The following SNX30 variants were observed in gnomAD, a reference collection of about 807,000 sequenced individuals.
SNX30 encodes the protein sorting nexin family member 30.
In SNX30, 24 loss-of-function variants were observed where a neutral mutation model predicts 46.4. That is an observed-to-expected ratio of 0.52 (90% CI 0.37 to 0.73). The LOEUF is 0.73. Among genes scored for constraint, SNX30 ranks in the 30% least tolerant of loss-of-function variants. The pLI is 0.00. For synonymous variants in SNX30, 189 were observed against 211.5 expected (o/e 0.89, Z 0.92); for missense variants, 533 against 555.7 (o/e 0.96, Z 0.41).
chr9:112,796,341 A>G (rs891280399), intron 1 of SNX30, among the ~76,000 whole-genome samples: 6 of 152,206 alleles, frequency 3.9e-5, no homozygotes, highest in African/African-American at 1.2e-4. Flanking sequence ...TTAAATGTTT[A>G]CTGAAATAAC....
chr9:112,851,042 AGT>A (rs1369067228), intron 7 of SNX30, 97 bp downstream of exon 7: 1 of 869,298 alleles, frequency 1.2e-6, no homozygotes, highest in East Asian at 2.5e-5. Context: ...AAGAGTGGTC[AGT>A]GCCGGCTGGG....
chr9:112,758,044 C>A (rs970832823), intron 1 of SNX30, among the ~76,000 whole-genome samples: 1 of 152,178 alleles, frequency 6.6e-6, no homozygotes, highest in Non-Finnish European at 1.5e-5. Context: ...CTACTCCACC[C>A]TTCCTTCTGC....
At chr9:112,767,966 T>A (rs1721408767) in intron 1 of SNX30, among the ~76,000 whole-genome samples, 1 of 152,244 alleles carries the variant, frequency 6.6e-6, no homozygotes, top group South Asian at 2.1e-4. Flanking sequence ...TATGATTATC[T>A]AAATGGTTTT....
chr9:112,838,355 T>G (rs764855603), intron 5 of SNX30, 143 bp from the exon 6 acceptor site: 14 of 640,124 alleles, frequency 2.2e-5, no homozygotes, highest in African/African-American at 7.3e-5. Context: ...GTGTTGTGTT[T>G]AAAGAAGAGT....
At chr9:112,860,459 C>T (rs1463369174) in intron 7 of SNX30, among the ~76,000 whole-genome samples, 1 of 152,174 alleles carries the variant, frequency 6.6e-6, no homozygotes, top group Non-Finnish European at 1.5e-5. Flanking sequence ...CCTTTGGTGG[C>T]ATTAGTGCCA....
At chr9:112,778,749 T>C (rs1029339441) in intron 1 of SNX30, among the ~76,000 whole-genome samples, 11 of 152,198 alleles carry the variant, frequency 7.2e-5, no homozygotes, top group Admixed American at 3.9e-4. Context: ...GATACCATGC[T>C]GGAGATAGAA....
At chr9:112,827,416 A>T (rs1840593799) in intron 3 of SNX30, among the ~76,000 whole-genome samples, 1 of 152,260 alleles carries the variant, frequency 6.6e-6, no homozygotes, top group Non-Finnish European at 1.5e-5. Flanking sequence ...AGATAAACCC[A>T]GGAAGCATGG....
At chr9:112,803,894 G>T (rs1318014657) in intron 1 of SNX30, among the ~76,000 whole-genome samples, 1 of 108,254 alleles carries the variant, frequency 9.2e-6, no homozygotes, top group South Asian at 3.5e-4. Flanking sequence ...GGAGTGACCC[G>T]ATTTTCCAGG....
intron 7 of SNX30, among the ~76,000 whole-genome samples, chr9:112,851,652 AAG>A (rs1841029879): frequency 6.6e-6 from 1 of 152,224 alleles, no homozygotes; most frequent in South Asian, 2.1e-4. Flanking sequence ...GTAATGGAGA[AAG>A]AGTAATTCGT....
chr9:112,783,802 G>A (rs762093007), intron 1 of SNX30, among the ~76,000 whole-genome samples: 36 of 152,294 alleles, frequency 2.4e-4, no homozygotes, highest in Non-Finnish European at 4.3e-4. Context: ...TGGTTTGTGA[G>A]AGTGGAAAAA....
downstream of SNX30, among the ~76,000 whole-genome samples, chr9:112,882,902 A>G (rs1057482088): frequency 1.3e-5 from 2 of 152,308 alleles, no homozygotes; most frequent in East Asian, 1.9e-4. Context: ...ACCCCAAACA[A>G]TTCCTACATG....
At position 112,868,836 on chromosome 9, in the gene SNX30, C is replaced by G; in HGVS notation, c.1307C>G (p.Ala436Gly). The part of the protein sequence containing the change: ...IIPLLQEKQE[A>G]K ...CCACTACTGCAGGAGAAACAAGAGG[C>G]CAAGTAAAGTTCTTTCTTGGGACGG... Residue 436 changes from alanine (A) to glycine (G), a missense_variant, in exon 9 of 9, where the codon GCC (alanine) becomes GGC (glycine). Around this residue, in one of 3 missense-constraint regions of SNX30, gnomAD observed 261 missense variants for 270.9 expected, o/e 0.96. Coordinates refer to ENST00000374232, the MANE Select transcript of SNX30 (RefSeq NM_001012994.2). The G allele has an allele frequency of 6.2e-7, 1 of 1,614,124 alleles. No homozygotes were observed. Among genetic ancestry groups the G allele is most frequent in the East Asian group, 2.2e-5 (1 of 44,878 alleles).
intron 7 of SNX30, among the ~76,000 whole-genome samples, chr9:112,859,913 G>A (rs750461192): frequency 6.6e-6 from 1 of 151,718 alleles, no homozygotes; most frequent in African/African-American, 2.4e-5. Context: ...ATGATGTTGA[G>A]CATCTTTTCA....
At chr9:112,877,447 AG>A (rs1014062950), downstream of SNX30, 4 of 152,380 alleles carry the variant, frequency 2.6e-5, no homozygotes, top group Admixed American at 1.3e-4. Flanking sequence ...TTGATGAGTA[AG>A]GGTGGAGAGG....
intron 1 of SNX30, among the ~76,000 whole-genome samples, chr9:112,757,250 T>C (rs1479731262): frequency 6.6e-6 from 1 of 152,374 alleles, no homozygotes; most frequent in East Asian, 1.9e-4. Context: ...TCAGTGTTTT[T>C]CTTTCTGTGT....
intron 2 of SNX30, among the ~76,000 whole-genome samples, chr9:112,810,910 C>A (rs1296592653): frequency 6.6e-6 from 1 of 152,044 alleles, no homozygotes; most frequent in African/African-American, 2.4e-5. Flanking sequence ...CTGTGTGGAA[C>A]GAGGAGCATG....
At chr9:112,780,882 A>G (rs1839836001) in intron 1 of SNX30, among the ~76,000 whole-genome samples, 1 of 152,218 alleles carries the variant, frequency 6.6e-6, no homozygotes, top group Non-Finnish European at 1.5e-5. Flanking sequence ...TCCCCGGCTT[A>G]GACATTGATG....
intron 7 of SNX30, among the ~76,000 whole-genome samples, chr9:112,861,297 G>C (rs1841225254): frequency 6.6e-6 from 1 of 152,244 alleles, no homozygotes; most frequent in East Asian, 1.9e-4. Context: ...CAGAAGTATA[G>C]CTTAATCTGC....
chr9:112,826,330 A>G (rs1346024242), intron 3 of SNX30, among the ~76,000 whole-genome samples: 1 of 152,194 alleles, frequency 6.6e-6, no homozygotes, highest in African/African-American at 2.4e-5. Flanking sequence ...GGTTGGCAGA[A>G]GGCTGGGGGT....
Sources: allele counts gnomAD v4.1 joint callset (sites outside exome capture counted in the v4.1 genomes callset), GRCh38; gene constraint gnomAD v4.1.1; regional missense constraint gnomAD v4.1.1; transcripts MANE v1.5; gene names NCBI Gene and HGNC (gene_info 2026-07-23, HGNC 2026-07-21).